The following TGIF1 variants were observed in gnomAD, a reference collection of about 807,000 sequenced individuals.
TGIF1 encodes TGFB induced factor homeobox 1.
A neutral mutation model predicts 19.3 loss-of-function variants in TGIF1; 4 were observed. The ratio of observed to expected loss-of-function variants is 0.21; its 90% confidence interval spans 0.10 to 0.47. TGIF1 has a LOEUF of 0.47. TGIF1 is among the 20% of genes least tolerant of loss of function. TGIF1 has a pLI of 0.98. For missense variants in TGIF1, 275 were observed against 341.4 expected (o/e 0.81, Z 1.53); for synonymous variants, 122 against 129.3 (o/e 0.94, Z 0.38).
At chr18:3,454,114 T>C (rs1380300918) in intron 1 of TGIF1, among the ~76,000 whole-genome samples, 3 of 152,296 alleles carry the variant, frequency 2.0e-5, no homozygotes, top group East Asian at 3.9e-4. Context: ...ATTGGAAATA[T>C]TTGTTAAGAG....
upstream of TGIF1, among the ~76,000 whole-genome samples, chr18:3,446,206 CAG>C (rs1275901586): frequency 3.3e-5 from 5 of 152,130 alleles, no homozygotes; most frequent in Non-Finnish European, 7.4e-5. Context: ...GTTTTTGAGA[CAG>C]AGTCTTGCTC....
rs1289596082 is a variant in TGIF1, at chr18:3,458,874, A to G, written c.*934A>G. On this transcript the variant is annotated 3_prime_UTR_variant, in exon 3 of 3. Transcript: ENST00000343820. ...TAAGGCATTTGTATTCAAATGTAGC[A>G]TAGTATTTGCAGAGAAATTACCTTT... is the stretch of plus-strand genomic sequence containing the variant. 1.3e-5 allele frequency: 2 copies of G among 152,270 alleles called. No individual in the cohort carries two copies. Among genetic ancestry groups the G allele is most frequent in the Non-Finnish European group, 2.9e-5 (2 of 68,048 alleles). 9.4% of individuals were successfully genotyped at this position (152,270 alleles called of 1,614,324 possible). A position where few individuals can be genotyped will look rare whatever the true frequency, so the allele number is the denominator to read the frequency against.
chr18:3,436,645 C>A (rs1215231282), intron 2 of TGIF1, among the ~76,000 whole-genome samples: 1 of 147,408 alleles, frequency 6.8e-6, no homozygotes, highest in Non-Finnish European at 1.5e-5. Context: ...GTGGTGAAAG[C>A]CCGTCTCTAC....
At chr18:3,448,040 G>T, upstream of TGIF1, 2 of 972,694 alleles carry the variant, frequency 2.1e-6, no homozygotes, top group Non-Finnish European at 2.4e-6. Flanking sequence ...GGGGAAGAGG[G>T]AAACATTTTT....
chr18:3,445,753 AGAGAAGAAAAGC>A (rs374324266), upstream of TGIF1, among the ~76,000 whole-genome samples: 112 of 89,598 alleles, frequency 1.3e-3, 1 homozygote, highest in African/African-American at 2.6e-3. Context: ...AAAAAAAAAA[AGAGAAGAAAAGC>A]AAAAAAAAAA....
rs948759075 is a variant in TGIF1 at position 3,457,547 on chromosome 18, T to A, written c.426T>A (p.His142Gln). The change falls in exon 3 of 3, where the codon CAT (histidine) becomes CAA (glutamine). Residue 142 changes from histidine (H) to glutamine (Q), a missense_variant. Transcript: ENST00000343820. This position sits in a 1 kb window ranked among gnomAD's most constrained non-coding sequence, Gnocchi z 4.9. ...CAGCTCTAGAGGAGACCCCATTTCATTCCTGTACAGCTGGGCCAAACCCAA... is the reference window on the plus strand; with the variant it reads ...CAGCTCTAGAGGAGACCCCATTTCAATCCTGTACAGCTGGGCCAAACCCAA... ...FMPALEETPF[H>Q]SCTAGPNPTL... 2 of 1,614,086 alleles carry A rather than the reference T, an allele frequency of 1.2e-6. No individual in the cohort carries two copies. Among genetic ancestry groups the A allele is most frequent in the Non-Finnish European group, 1.7e-6 (2 of 1,180,042 alleles).
At chr18:3,420,103 C>A (rs2082382727) in intron 2 of TGIF1, among the ~76,000 whole-genome samples, 6 of 152,114 alleles carry the variant, frequency 3.9e-5, no homozygotes, top group Admixed American at 3.9e-4. Context: ...AGTGGCCAGG[C>A]ATGGTGGCTC....
intron 2 of TGIF1, among the ~76,000 whole-genome samples, chr18:3,430,398 T>C (rs1022506504): frequency 1.3e-5 from 2 of 152,240 alleles, no homozygotes; most frequent in African/African-American, 4.8e-5. Context: ...TTAATAAAAA[T>C]GTGAAATGTT....
Position 3,456,816 on chromosome 18 carries a change from T to C in TGIF1, c.243+236T>C, listed in dbSNP as rs539869859. ...TAATGCCTAAAAGAACCTTCCTTTATGCAACAGACATTAAAAGGAGGTTAA... is the reference window on the plus strand; with the variant it reads ...TAATGCCTAAAAGAACCTTCCTTTACGCAACAGACATTAAAAGGAGGTTAA... On this transcript the variant is annotated intron_variant, in intron 2 of 2. Transcript: ENST00000343820. This position sits in a 1 kb window ranked among gnomAD's most constrained non-coding sequence, Gnocchi z 4.2. 6.3e-6 allele frequency: 4 copies of C among 636,658 alleles called. No individual in the cohort carries two copies. Among genetic ancestry groups the C allele is most frequent in the East Asian group, 2.7e-5 (1 of 36,872 alleles). 39.4% of individuals were successfully genotyped at this position (636,658 alleles called of 1,614,324 possible).
intron 2 of TGIF1, among the ~76,000 whole-genome samples, chr18:3,434,989 G>T (rs1445500803): frequency 6.6e-6 from 1 of 152,072 alleles, no homozygotes; most frequent in African/African-American, 2.4e-5. Flanking sequence ...TCTCATTAAG[G>T]TTACTCATTG....
chr18:3,439,786 C>T (rs1221821858), intron 2 of TGIF1, among the ~76,000 whole-genome samples: 2 of 151,736 alleles, frequency 1.3e-5, no homozygotes, highest in South Asian at 2.1e-4. Context: ...TTGGGGAAGC[C>T]AAGGTGGGCG....
At chr18:3,428,921 C>T (rs998278593) in intron 2 of TGIF1, among the ~76,000 whole-genome samples, 4 of 151,920 alleles carry the variant, frequency 2.6e-5, no homozygotes, top group Non-Finnish European at 5.9e-5. Flanking sequence ...AGCATGGCGG[C>T]GTGCCCCTGT....
At chr18:3,432,095 T>C (rs113169622) in intron 2 of TGIF1, among the ~76,000 whole-genome samples, 16,058 of 133,046 alleles carry the variant, frequency 0.12, 986 homozygotes, top group Middle Eastern at 0.16. Context: ...GCCATTGCAC[T>C]CCAACCTGGG....
chr18:3,435,744 C>G (rs182134524), intron 2 of TGIF1, among the ~76,000 whole-genome samples: 1 of 152,138 alleles, frequency 6.6e-6, no homozygotes, highest in East Asian at 1.9e-4. Flanking sequence ...ACAGAATGTA[C>G]GCATTTTCAA....
At chr18:3,438,543 A>G (rs1309149024) in intron 2 of TGIF1, among the ~76,000 whole-genome samples, 2 of 148,996 alleles carry the variant, frequency 1.3e-5, no homozygotes, top group South Asian at 2.1e-4. Context: ...GGATGTATCA[A>G]GTCCTTCTAG....
chr18:3,416,790 G>A (rs2143111727), intron 1 of TGIF1, among the ~76,000 whole-genome samples: 1 of 151,490 alleles, frequency 6.6e-6, no homozygotes, highest in South Asian at 2.1e-4. Context: ...AAATTAGCCG[G>A]GCGTGTTGGC....
upstream of TGIF1, chr18:3,448,243 C>T (rs2082784333): frequency 1.0e-6 from 1 of 985,442 alleles, no homozygotes; most frequent in South Asian, 4.7e-5. Context: ...CGCAGCGTCG[C>T]CCAGCCCCCG....
chr18:3,455,053 AC>A (rs2083121625), intron 1 of TGIF1: 1 of 152,196 alleles, frequency 6.6e-6, no homozygotes, highest in African/African-American at 2.4e-5. Flanking sequence ...ATTACATACT[AC>A]AGAGGAAAGA....
At chr18:3,425,892 G>A (rs1259705537) in intron 2 of TGIF1, among the ~76,000 whole-genome samples, 1 of 152,152 alleles carries the variant, frequency 6.6e-6, no homozygotes, top group Non-Finnish European at 1.5e-5. Context: ...TCCAACTGGT[G>A]TGTGCTGGAG....
Sources: allele counts gnomAD v4.1 joint callset (sites outside exome capture counted in the v4.1 genomes callset), GRCh38; gene constraint gnomAD v4.1.1; non-coding constraint Gnocchi (gnomAD v3.1); transcripts MANE v1.5; gene names NCBI Gene and HGNC (gene_info 2026-07-23, HGNC 2026-07-21).